LHPP: variants seen among roughly 807,000 people sequenced by gnomAD.
LHPP encodes the protein hLHPP.
A neutral mutation model predicts 30.3 loss-of-function variants in LHPP; 24 were observed. The ratio of observed to expected loss-of-function variants is 0.79; its 90% CI spans 0.57 to 1.11. The LOEUF is 1.11. Among genes scored for constraint, LHPP ranks in the 50% most tolerant of loss-of-function variants. The probability of loss-of-function intolerance (pLI) is 0.00; values close to 1 mark genes in which losing one functional copy is unlikely to be tolerated. For missense variants in LHPP, 356 were observed against 367.2 expected (o/e 0.97, Z 0.25); for synonymous variants, 150 against 157.1 (o/e 0.95, Z 0.34).
intron 6 of LHPP, chr10:124,526,051 C>T: frequency 2.6e-6 from 1 of 390,920 alleles, no homozygotes; most frequent in Non-Finnish European, 3.5e-6. Context: ...CAGGAATTTG[C>T]CTCTTGGGAA....
chr10:124,498,260 A>G, intron 5 of LHPP, 132 bp downstream of exon 5: 1 of 1,538,328 alleles, frequency 6.5e-7, no homozygotes, highest in Non-Finnish European at 8.9e-7. Flanking sequence ...TCCCTGTGAA[A>G]GCTGACCTGG....
chr10:124,520,057 T>C (rs1415018025), intron 6 of LHPP, among the ~76,000 whole-genome samples: 2 of 152,000 alleles, frequency 1.3e-5, no homozygotes, highest in African/African-American at 4.8e-5. Context: ...ATGGTCTCGA[T>C]CTCCTGACCC....
chr10:124,551,912 C>A (rs1462533521), intron 6 of LHPP, among the ~76,000 whole-genome samples: 1 of 152,046 alleles, frequency 6.6e-6, no homozygotes, highest in Non-Finnish European at 1.5e-5. Context: ...TCCTACAGTG[C>A]TTTTCCACCA....
rs1564797305 is a variant in LHPP, at chr10:124,507,010, TCG to T, written c.624+8883_624+8884del. ...TGAGGGGGGTAGGGAGGATTTCAGG[TCG>T]GGGGGTAGACAGGATTTCAGGTGAG... is the stretch of plus-strand genomic sequence containing the variant. On this transcript the variant is annotated intron_variant, in intron 5 of 6. Coordinates refer to ENST00000368842, the MANE Select transcript of LHPP (RefSeq NM_022126.4). 2.7e-4 allele frequency among the ~76,000 whole-genome samples: 4 copies of T among 14,766 alleles called. 1 individual carries two copies. The highest frequency in any genetic ancestry group is 8.3e-4 in the African/African-American group (3 of 3,626). The allele number at this position is 14,766 out of a possible 152,430, so 9.7% of individuals were successfully genotyped here.
intron 6 of LHPP, among the ~76,000 whole-genome samples, chr10:124,547,216 G>A (rs1955371476): frequency 6.6e-6 from 1 of 152,162 alleles, no homozygotes; most frequent in Admixed American, 6.5e-5. Context: ...CGGCACACCT[G>A]TCCTCGGTGT....
intron 6 of LHPP, among the ~76,000 whole-genome samples, chr10:124,552,828 T>C (rs1383743957): frequency 1.3e-5 from 2 of 152,268 alleles, no homozygotes; most frequent in Non-Finnish European, 1.5e-5. Context: ...TACTAATTTA[T>C]ATGCTATACG....
chr10:124,474,119 G>A (rs959657826), intron 1 of LHPP, among the ~76,000 whole-genome samples: 2 of 149,222 alleles, frequency 1.3e-5, no homozygotes, highest in African/African-American at 4.9e-5. Context: ...TTTGAAGAGT[G>A]GGTTGCTTTG....
chr10:124,499,630 G>A lies in LHPP; in HGVS notation c.624+1502G>A, dbSNP rs548542534. Among the ~76,000 whole-genome samples the A allele has an allele frequency of 1.2e-4, 19 of 152,034 alleles. 1 individual carries two copies. Among genetic ancestry groups the A allele is most frequent in the African/African-American group, 4.4e-4 (18 of 41,306 alleles). ...GAGATCATGCCACTGCACTCCACCT[G>A]GGTGATAGAGTGAGACTCCTTCTTT... On this transcript the variant is annotated intron_variant, in intron 5 of 6. Transcript: ENST00000368842.
intron 1 of LHPP, among the ~76,000 whole-genome samples, chr10:124,469,245 G>T (rs955766390): frequency 8.5e-5 from 13 of 152,138 alleles, no homozygotes; most frequent in African/African-American, 3.1e-4. Context: ...CTCCGTGGCA[G>T]CTCCCGGCAC....
At chr10:124,573,993 CCA>C (rs1292815171) in intron 6 of LHPP, among the ~76,000 whole-genome samples, 1 of 152,128 alleles carries the variant, frequency 6.6e-6, no homozygotes, top group East Asian at 1.9e-4. Flanking sequence ...TCCCCTGGAG[CCA>C]CCGTGCTGCC....
In LHPP at chr10:124,478,791, G is replaced by A. The variant is rs1026555214; in HGVS notation, c.126-5348G>A. On this transcript the variant is annotated intron_variant, in intron 1 of 6. Transcript: ENST00000368842. This position sits in a 1 kb window ranked among gnomAD's most constrained non-coding sequence, Gnocchi z 4.7. ...TGGGCCAGGCGCGGTGGCTCAGGCC[G>A]GGTGCCATGGCTCACGCCTGTAATT... Among the ~76,000 whole-genome samples, 4 of 152,200 alleles carry A rather than the reference G, an allele frequency of 2.6e-5. No individual in the cohort carries two copies. The highest frequency in any genetic ancestry group is 2.1e-4 in the South Asian group (1 of 4,830).
chr10:124,549,564 A>G (rs973200608), intron 6 of LHPP, among the ~76,000 whole-genome samples: 2 of 152,200 alleles, frequency 1.3e-5, no homozygotes, highest in African/African-American at 4.8e-5. Context: ...TCTTCACTTT[A>G]GTCTTGTTAG....
chr10:124,556,967 A>T (rs1175861283), intron 6 of LHPP, among the ~76,000 whole-genome samples: 1 of 152,114 alleles, frequency 6.6e-6, no homozygotes, highest in African/African-American at 2.4e-5. Context: ...TTTGTTCTCT[A>T]ACCAATCAGA....
At chr10:124,527,161 G>C (rs79920316) in intron 6 of LHPP, among the ~76,000 whole-genome samples, 1 of 152,230 alleles carries the variant, frequency 6.6e-6, no homozygotes, top group African/African-American at 2.4e-5. Flanking sequence ...TCGGGGACAC[G>C]GCCAGGGCTG....
chr10:124,508,262 T>G (rs1307002129), intron 5 of LHPP, among the ~76,000 whole-genome samples: 1 of 152,134 alleles, frequency 6.6e-6, no homozygotes, highest in Admixed American at 6.5e-5. Context: ...CTCCCAGCCG[T>G]GGGCATTTTC....
intron 4 of LHPP, 152 bp downstream of exon 4, chr10:124,497,176 GC>G: frequency 1.6e-6 from 1 of 628,228 alleles, no homozygotes; most frequent in Non-Finnish European, 2.8e-6. Context: ...GGCTCCCCTG[GC>G]CGGGCCCTCG....
intron 6 of LHPP, among the ~76,000 whole-genome samples, chr10:124,526,748 C>T (rs1481642640): frequency 6.6e-6 from 1 of 152,202 alleles, no homozygotes; most frequent in Non-Finnish European, 1.5e-5. Context: ...GAGAGCCTGG[C>T]GGAGATGTGA....
At position 124,503,347 on chromosome 10, in the gene LHPP, T is replaced by C. The variant is rs371207089; in HGVS notation, c.624+5219T>C. Among the ~76,000 whole-genome samples the C allele has an allele frequency of 9.9e-5, 15 of 152,196 alleles. No homozygotes were observed. In the South Asian group the frequency reaches 3.1e-3, roughly 32 times the overall value. ...TCCCAAAGTGCTGGGATTACAGGCA[T>C]GAGCCACCACATCCGGCCTTCATTG... On this transcript the variant is annotated intron_variant, in intron 5 of 6. Coordinates refer to ENST00000368842, the MANE Select transcript of LHPP (RefSeq NM_022126.4).
chr10:124,481,215 G>C (rs1442504802), intron 1 of LHPP, among the ~76,000 whole-genome samples: 1 of 142,290 alleles, frequency 7.0e-6, no homozygotes, highest in Non-Finnish European at 1.6e-5. Context: ...AACAAAAACT[G>C]ACAGAGACAG....
Sources: gnomAD v4.1 joint callset for allele counts (sites outside exome capture counted in the v4.1 genomes callset) on GRCh38, gnomAD v4.1.1 for gene constraint, Gnocchi (gnomAD v3.1) non-coding constraint, MANE v1.5 for transcripts, NCBI Gene and HGNC (gene_info 2026-07-23, HGNC 2026-07-21) for gene names.